Variants in ATRNL1 observed in about 807,000 individuals in gnomAD.
ATRNL1 encodes the protein attractin-like protein 1.
A neutral mutation model predicts 182.7 loss-of-function variants in ATRNL1; 95 were observed. The observed-to-expected ratio is 0.52, with a 90% CI of 0.44 to 0.62. The LOEUF (loss-of-function observed/expected upper bound fraction) is 0.62, where lower values mean the gene tolerates loss of function less well. ATRNL1 is among the 20% of genes least tolerant of loss of function. ATRNL1 has a pLI of 0.00. For synonymous variants in ATRNL1, 576 were observed against 568.3 expected (o/e 1.01, Z -0.19); for missense variants, 1,471 against 1,679.5 (o/e 0.88, Z 2.17).
At chr10:115,634,089 A>G (rs1468703228) in intron 26 of ATRNL1, among the ~76,000 whole-genome samples, 4 of 152,172 alleles carry the variant, frequency 2.6e-5, no homozygotes, top group Non-Finnish European at 5.9e-5. Flanking sequence ...ATAAGGAAAT[A>G]TTAATGATAC....
At chr10:115,849,279 A>T (rs1159628978) in intron 28 of ATRNL1, among the ~76,000 whole-genome samples, 3 of 152,176 alleles carry the variant, frequency 2.0e-5, no homozygotes, top group Non-Finnish European at 4.4e-5. Flanking sequence ...GGTAAATGGG[A>T]TGCAATAAGT....
At chr10:115,647,007 T>A (rs1555032764) in intron 26 of ATRNL1, among the ~76,000 whole-genome samples, 5 of 132,922 alleles carry the variant, frequency 3.8e-5, no homozygotes, top group African/African-American at 8.4e-5. Context: ...TGTGTCCAAG[T>A]GTTCTCATTG....
intron 28 of ATRNL1, among the ~76,000 whole-genome samples, chr10:115,917,083 C>T (rs1952880406): frequency 6.6e-6 from 1 of 152,224 alleles, no homozygotes; most frequent in Non-Finnish European, 1.5e-5. Context: ...AATGCTGAAC[C>T]TTGTCAGCGC....
intron 28 of ATRNL1, among the ~76,000 whole-genome samples, chr10:115,907,738 A>T (rs1436268861): frequency 6.6e-6 from 1 of 151,892 alleles, no homozygotes; most frequent in Admixed American, 6.6e-5. Flanking sequence ...ATTATAAAAA[A>T]ATTTTAAAAT....
intron 19 of ATRNL1, among the ~76,000 whole-genome samples, chr10:115,374,769 T>C (rs1200362313): frequency 2.6e-5 from 4 of 151,926 alleles, no homozygotes; most frequent in Non-Finnish European, 5.9e-5. Flanking sequence ...TTCCACATCT[T>C]TGTGAATTTT....
intron 26 of ATRNL1, among the ~76,000 whole-genome samples, chr10:115,722,463 TTTAATGATAC>T (rs1347093537): frequency 6.6e-6 from 1 of 152,188 alleles, no homozygotes; most frequent in Non-Finnish European, 1.5e-5. Context: ...GCTTTCCTAA[TTTAATGATAC>T]TAAAAGTTCT....
intron 24 of ATRNL1, among the ~76,000 whole-genome samples, chr10:115,501,580 A>T (rs1295412964): frequency 1.3e-5 from 2 of 152,222 alleles, no homozygotes; most frequent in Non-Finnish European, 2.9e-5. Flanking sequence ...TTCCATAGTT[A>T]TATGGAAATA....
chr10:115,408,711 T>A (rs1173500295), intron 20 of ATRNL1, among the ~76,000 whole-genome samples: 3 of 152,162 alleles, frequency 2.0e-5, no homozygotes, highest in Non-Finnish European at 4.4e-5. Context: ...GGCCTTACAT[T>A]TAGGTATTTG....
chr10:115,733,542 C>CA (rs1947861671), intron 27 of ATRNL1, among the ~76,000 whole-genome samples: 1 of 152,102 alleles, frequency 6.6e-6, no homozygotes, highest in Non-Finnish European at 1.5e-5. Flanking sequence ...ACGCATTGTT[C>CA]AAGTCTAAGG....
intron 27 of ATRNL1, among the ~76,000 whole-genome samples, chr10:115,749,947 G>A (rs1409023746): frequency 1.3e-5 from 2 of 148,586 alleles, no homozygotes; most frequent in African/African-American, 4.9e-5. Context: ...AGTTCTTGTT[G>A]GATCAAACAA....
At chr10:115,553,508 G>A (rs1180509983) in intron 26 of ATRNL1, among the ~76,000 whole-genome samples, 3 of 151,226 alleles carry the variant, frequency 2.0e-5, no homozygotes, top group South Asian at 2.1e-4. Flanking sequence ...GCTTCAAAAT[G>A]AATACAGGAA....
chr10:115,906,451 C>T (rs1372016375), intron 28 of ATRNL1, among the ~76,000 whole-genome samples: 1 of 152,040 alleles, frequency 6.6e-6, no homozygotes, highest in African/African-American at 2.4e-5. Flanking sequence ...TCTTAAAAGG[C>T]CCTGGCACAG....
chr10:115,912,490 T>G (rs1466462183), intron 28 of ATRNL1, among the ~76,000 whole-genome samples: 1 of 151,880 alleles, frequency 6.6e-6, no homozygotes, highest in Non-Finnish European at 1.5e-5. Flanking sequence ...GGAAGAACAG[T>G]GTGATAGGTC....
intron 27 of ATRNL1, among the ~76,000 whole-genome samples, chr10:115,778,865 C>G (rs1438611245): frequency 2.6e-5 from 4 of 152,136 alleles, no homozygotes; most frequent in Non-Finnish European, 5.9e-5. Flanking sequence ...ACCAAGGACA[C>G]TGAAGGAGCT....
chr10:115,260,037 A>C (rs1048024400), intron 10 of ATRNL1, among the ~76,000 whole-genome samples: 8 of 152,212 alleles, frequency 5.3e-5, no homozygotes, highest in African/African-American at 1.9e-4. Flanking sequence ...ATAGTAATAA[A>C]GCTGTCACTT....
intron 27 of ATRNL1, among the ~76,000 whole-genome samples, chr10:115,815,205 G>A (rs1171146894): frequency 1.3e-5 from 2 of 152,064 alleles, no homozygotes; most frequent in African/African-American, 2.4e-5. Flanking sequence ...GAATATAATA[G>A]AGTCTCACAA....
chr10:115,764,513 T>A (rs1948809318), intron 27 of ATRNL1, among the ~76,000 whole-genome samples: 1 of 152,154 alleles, frequency 6.6e-6, no homozygotes, highest in South Asian at 2.1e-4. Context: ...AACACTGATC[T>A]TTTTACTGTC....
chr10:115,265,591 T>C (rs1554910400), intron 11 of ATRNL1, among the ~76,000 whole-genome samples: 1 of 151,690 alleles, frequency 6.6e-6, no homozygotes, highest in African/African-American at 2.4e-5. Flanking sequence ...TTTAAAAAGA[T>C]GGAACTGAAA....
chr10:115,738,367 C>T (rs1219010042), intron 27 of ATRNL1, among the ~76,000 whole-genome samples: 1 of 151,478 alleles, frequency 6.6e-6, no homozygotes, highest in East Asian at 1.9e-4. Flanking sequence ...CTTGAACTCC[C>T]GACCTCAGGT....
Sources: gnomAD v4.1 joint callset for allele counts (sites outside exome capture counted in the v4.1 genomes callset) on GRCh38, gnomAD v4.1.1 for gene constraint, MANE v1.5 for transcripts, NCBI Gene and HGNC (gene_info 2026-07-23, HGNC 2026-07-21) for gene names.